INTS4: variants seen among roughly 807,000 people sequenced by gnomAD.
INTS4 encodes MSTP093.
In INTS4, 70 loss-of-function variants were observed where a neutral mutation model predicts 119.5. The observed-to-expected ratio is 0.59, with a 90% CI of 0.48 to 0.71. INTS4 has a LOEUF of 0.71. Ranked by LOEUF, INTS4 falls within the 30% of genes least tolerant of loss-of-function variation. INTS4 has a pLI of 0.00. For missense variants in INTS4, 867 were observed against 1,173.2 expected (o/e 0.74, Z 3.81); for synonymous variants, 316 against 419.6 (o/e 0.75, Z 3.02).
chr11:77,924,171 G>T (rs1313853162), intron 12 of INTS4, among the ~76,000 whole-genome samples: 1 of 149,926 alleles, frequency 6.7e-6, no homozygotes, highest in Admixed American at 6.7e-5. Context: ...GGGGCAGGGG[G>T]ATCACCTGAG....
chr11:77,994,085 C>T (rs1156835872), intron 1 of INTS4, among the ~76,000 whole-genome samples: 3 of 152,008 alleles, frequency 2.0e-5, no homozygotes, highest in Non-Finnish European at 4.4e-5. Flanking sequence ...CTGTGACCCC[C>T]GCCTGCTTAG....
intron 13 of INTS4, among the ~76,000 whole-genome samples, chr11:77,921,750 G>T (rs1356170144): frequency 1.3e-5 from 2 of 152,220 alleles, no homozygotes; most frequent in African/African-American, 4.8e-5. Context: ...GTACATACTG[G>T]ACAGGCATGG....
At chr11:77,932,866 A>C (rs1452976080) in intron 10 of INTS4, among the ~76,000 whole-genome samples, 3 of 151,234 alleles carry the variant, frequency 2.0e-5, no homozygotes, top group Non-Finnish European at 2.9e-5. Flanking sequence ...CAGAAAACCA[A>C]ACACCACATG....
At chr11:77,920,623 C>T (rs988709108) in intron 14 of INTS4, among the ~76,000 whole-genome samples, 64 of 151,930 alleles carry the variant, frequency 4.2e-4, no homozygotes, top group African/African-American at 1.4e-3. Context: ...GAGGCCGAGG[C>T]AGGCAGATCA....
intron 10 of INTS4, among the ~76,000 whole-genome samples, chr11:77,937,100 A>G (rs1051615199): frequency 3.9e-5 from 6 of 152,056 alleles, no homozygotes; most frequent in African/African-American, 1.4e-4. Context: ...GTCTGAACTC[A>G]GGATGCAGAG....
chr11:77,917,077 G>A (rs1953220321), intron 15 of INTS4, among the ~76,000 whole-genome samples: 1 of 152,094 alleles, frequency 6.6e-6, no homozygotes, highest in Admixed American at 6.5e-5. Context: ...AAAGTACAAA[G>A]CGCTGTTATC....
chr11:77,919,302 T>TC (rs1305234845), intron 14 of INTS4, among the ~76,000 whole-genome samples: 2 of 151,794 alleles, frequency 1.3e-5, no homozygotes, highest in Admixed American at 6.6e-5. Context: ...TGTTACATTT[T>TC]TTTTTTTAGA....
chr11:77,908,642 T>C (rs1210326816), intron 15 of INTS4, among the ~76,000 whole-genome samples: 1 of 152,156 alleles, frequency 6.6e-6, no homozygotes, highest in Admixed American at 6.5e-5. Flanking sequence ...AAATATTTTG[T>C]AGCCATTAAA....
At chr11:77,968,145 C>T (rs773090230) in intron 4 of INTS4, among the ~76,000 whole-genome samples, 1 of 152,028 alleles carries the variant, frequency 6.6e-6, no homozygotes, top group Non-Finnish European at 1.5e-5. Flanking sequence ...AATATTATAA[C>T]CTTATGGGAC....
chr11:77,966,057 G>T (rs570454605), intron 4 of INTS4, among the ~76,000 whole-genome samples: 5 of 152,040 alleles, frequency 3.3e-5, no homozygotes, highest in African/African-American at 1.2e-4. Context: ...GCATTTTCCC[G>T]ACGCTTAGTG....
intron 4 of INTS4, among the ~76,000 whole-genome samples, chr11:77,977,702 A>T (rs957257322): frequency 1.3e-5 from 2 of 150,534 alleles, no homozygotes; most frequent in African/African-American, 4.8e-5. Flanking sequence ...TATAATATAA[A>T]ATCTTATAGT....
chr11:77,963,368 A>AAC (rs1555039232), intron 4 of INTS4: 6,859 of 371,682 alleles, frequency 0.018, 16 homozygotes, highest in East Asian at 0.026. Flanking sequence ...AAAAAAAAAA[A>AAC]AAAAAACAAA....
chr11:77,907,164 A>T (rs891227018), intron 16 of INTS4, among the ~76,000 whole-genome samples: 11 of 152,024 alleles, frequency 7.2e-5, no homozygotes, highest in Non-Finnish European at 1.3e-4. Flanking sequence ...TGCAGCCTTG[A>T]CCTCCTAGGC....
intron 16 of INTS4, among the ~76,000 whole-genome samples, chr11:77,906,441 C>T (rs1405044307): frequency 6.6e-5 from 10 of 152,154 alleles, no homozygotes; most frequent in Non-Finnish European, 1.5e-4. Flanking sequence ...ACTTCTCTTT[C>T]CTCACCCATA....
In INTS4 at chr11:77,907,737, A is replaced by G. The variant is rs1386247352; in HGVS notation, c.1996T>C (p.Cys666Arg). ...CCAACCTTGATGAGAAGTAGTTGAC[A>G]GCGAAGATAGGTGGCAGAGAAATCA... The part of the protein sequence containing the change: ...VADFSATYLR[C>R]QLLLIKALQE... Residue 666 changes from cysteine to arginine, a missense_variant, in exon 16 of 23, where the codon TGT (cysteine) becomes CGT (arginine). Transcript: ENST00000534064. The G allele has an allele frequency of 6.2e-7, 1 of 1,613,720 alleles. No individual in the cohort carries two copies. Among genetic ancestry groups the G allele is most frequent in the Non-Finnish European group, 8.5e-7 (1 of 1,179,682 alleles).
rs529600674 is a variant in INTS4 at position 77,955,286 on chromosome 11, G to A, written c.918+656C>T. The stretch of plus-strand genomic sequence containing the variant: ...CGGCAGGTCAAGGCTGCAGTGAGCC[G>A]TGACTGCACTATTGCACTCCTGCCT... On this transcript the variant is annotated intron_variant, in intron 8 of 22. Coordinates refer to ENST00000534064, the MANE Select transcript of INTS4 (RefSeq NM_033547.4). Among the ~76,000 whole-genome samples, 23 of 152,282 alleles carry A rather than the reference G, an allele frequency of 1.5e-4. 1 individual carries two copies. The highest frequency in any genetic ancestry group is 9.1e-4 in the Admixed American group (14 of 15,302).
At chr11:77,991,672 G>A (rs901076803) in intron 1 of INTS4, among the ~76,000 whole-genome samples, 3 of 151,904 alleles carry the variant, frequency 2.0e-5, no homozygotes, top group Admixed American at 6.6e-5. Flanking sequence ...ACAAGCATGA[G>A]CCACGGTGCC....
At chr11:77,885,768 G>A (rs550273034) in intron 21 of INTS4, among the ~76,000 whole-genome samples, 2 of 152,164 alleles carry the variant, frequency 1.3e-5, no homozygotes, top group African/African-American at 4.8e-5. Flanking sequence ...GCAGTGAGCT[G>A]AGATCGCTGC....
intron 1 of INTS4, among the ~76,000 whole-genome samples, chr11:77,993,713 G>C (rs537816416): frequency 6.6e-6 from 1 of 152,190 alleles, no homozygotes; most frequent in South Asian, 2.1e-4. Context: ...TATCCTGCTG[G>C]ATGCTCTAAG....
Sources: gnomAD v4.1 joint callset for allele counts (sites outside exome capture counted in the v4.1 genomes callset) on GRCh38, gnomAD v4.1.1 for gene constraint, MANE v1.5 for transcripts, NCBI Gene and HGNC (gene_info 2026-07-23, HGNC 2026-07-21) for gene names.